The following TENM2 variants were observed in gnomAD, a reference collection of about 807,000 sequenced individuals.
The protein encoded by TENM2 is teneurin-2.
TENM2 carries 52 observed loss-of-function variants against 245.2 expected under a neutral mutation model. The observed-to-expected ratio is 0.21, with a 90% CI of 0.17 to 0.27. The LOEUF (loss-of-function observed/expected upper bound fraction) is 0.27, where lower values mean the gene tolerates loss of function less well. Ranked by LOEUF, TENM2 falls within the 10% of genes least tolerant of loss-of-function variation. TENM2 has a pLI of 1.00. For synonymous variants in TENM2, 1,363 were observed against 1,438.9 expected (o/e 0.95, Z 1.19); for missense variants, 3,046 against 3,666.8 (o/e 0.83, Z 4.37).
intron 3 of TENM2, among the ~76,000 whole-genome samples, chr5:167,946,269 C>T (rs141494076): frequency 3.9e-5 from 6 of 152,210 alleles, no homozygotes; most frequent in East Asian, 1.9e-4. Context: ...CAGAGCAGGA[C>T]AGGACAAGCT....
chr5:168,192,158 C>A (rs759458664), intron 14 of TENM2, among the ~76,000 whole-genome samples: 6 of 152,134 alleles, frequency 3.9e-5, no homozygotes, highest in Non-Finnish European at 7.3e-5. Context: ...GTTGATCAGA[C>A]AAATTGGGTC....
intron 2 of TENM2, among the ~76,000 whole-genome samples, chr5:167,539,368 G>T (rs191670875): frequency 6.6e-5 from 10 of 152,090 alleles, no homozygotes; most frequent in African/African-American, 2.4e-4. Context: ...GGTTTTTTCA[G>T]GATTGTCCTC....
intron 3 of TENM2, among the ~76,000 whole-genome samples, chr5:167,918,487 T>C (rs1481640363): frequency 6.6e-6 from 1 of 152,208 alleles, no homozygotes; most frequent in Non-Finnish European, 1.5e-5. Flanking sequence ...GCTATTATGT[T>C]AGACAGAGCC....
intron 2 of TENM2, among the ~76,000 whole-genome samples, chr5:167,671,604 A>G (rs531556775): frequency 6.6e-6 from 1 of 152,150 alleles, no homozygotes; most frequent in South Asian, 2.1e-4. Flanking sequence ...TTTTATAGTG[A>G]TCTATTATGT....
At chr5:167,014,476 T>C in the TENM2 span, among the ~76,000 whole-genome samples, 1 of 151,952 alleles carries the variant, frequency 6.6e-6, no homozygotes, top group Non-Finnish European at 1.5e-5. Flanking sequence ...AGTTCCCTGT[T>C]AACATAGGAA....
chr5:167,529,675 G>C (rs1409532379), intron 2 of TENM2, among the ~76,000 whole-genome samples: 1 of 152,202 alleles, frequency 6.6e-6, no homozygotes, highest in Non-Finnish European at 1.5e-5. Context: ...GATTGGTACA[G>C]AAATAAGTGA....
At chr5:168,100,321 G>A (rs752819166) in intron 9 of TENM2, among the ~76,000 whole-genome samples, 1 of 152,178 alleles carries the variant, frequency 6.6e-6, no homozygotes, top group Non-Finnish European at 1.5e-5. Flanking sequence ...GGAAGATAGT[G>A]TGGCGATTCC....
chr5:167,550,684 T>C (rs1772868689), intron 2 of TENM2, among the ~76,000 whole-genome samples: 1 of 139,866 alleles, frequency 7.1e-6, no homozygotes, highest in African/African-American at 2.7e-5. Context: ...AATTACCTTT[T>C]TTTTTGTTGT....
At chr5:167,775,261 C>T (rs1379137453) in intron 2 of TENM2, among the ~76,000 whole-genome samples, 6 of 152,188 alleles carry the variant, frequency 3.9e-5, no homozygotes, top group African/African-American at 1.2e-4. Context: ...AGCCACTGTG[C>T]CTGGCCAGGG....
chr5:168,070,252 C>T (rs748990147), intron 7 of TENM2, among the ~76,000 whole-genome samples: 1 of 152,260 alleles, frequency 6.6e-6, no homozygotes, highest in East Asian at 1.9e-4. Flanking sequence ...ACAACTAGAG[C>T]ATAGTTGCAA....
rs142117903 is a variant in TENM2, at chr5:167,696,534, G to A, written c.503-179452G>A. On this transcript the variant is annotated intron_variant, in intron 2 of 28. Coordinates refer to ENST00000518659, the Ensembl canonical transcript of TENM2. ...AGGATCAGGAGCTCACTTATTTATCGTTCTCTAAAATGGTGAGCCTCCCTT... is the reference window on the plus strand; with the variant it reads ...AGGATCAGGAGCTCACTTATTTATCATTCTCTAAAATGGTGAGCCTCCCTT... Among the ~76,000 whole-genome samples, 128 of 152,178 alleles carry A rather than the reference G, an allele frequency of 8.4e-4. 1 individual carries two copies. In the East Asian group the frequency reaches 0.023, roughly 27 times the overall value.
At chr5:167,117,011 C>G in the TENM2 span, among the ~76,000 whole-genome samples, 2 of 152,246 alleles carry the variant, frequency 1.3e-5, no homozygotes, top group African/African-American at 4.8e-5. Flanking sequence ...ATTTAACCCA[C>G]TAAATCCAGA....
intron 9 of TENM2, among the ~76,000 whole-genome samples, chr5:168,105,513 A>T (rs1794172160): frequency 6.6e-6 from 1 of 152,192 alleles, no homozygotes; most frequent in Non-Finnish European, 1.5e-5. Context: ...GGTCATGAGG[A>T]TGCCTGTAAG....
intron 2 of TENM2, among the ~76,000 whole-genome samples, chr5:167,659,771 G>C (rs753924349): frequency 6.6e-6 from 1 of 152,098 alleles, no homozygotes; most frequent in Non-Finnish European, 1.5e-5. Context: ...GTACCTTCTA[G>C]TTACTGACTG....
At chr5:167,380,398 A>G (rs1028394932) in intron 2 of TENM2, among the ~76,000 whole-genome samples, 8 of 152,154 alleles carry the variant, frequency 5.3e-5, no homozygotes, top group African/African-American at 1.9e-4. Context: ...TTAGAGGTTT[A>G]CGTTTTTGGC....
chr5:168,230,689 G>T (rs1281116062), intron 25 of TENM2, among the ~76,000 whole-genome samples: 1 of 152,042 alleles, frequency 6.6e-6, no homozygotes, highest in African/African-American at 2.4e-5. Flanking sequence ...GTCACATGAG[G>T]GCATGAAAGT....
intron 1 of TENM2, 30 bp downstream of exon 3, chr5:167,285,093 C>A: frequency 6.7e-7 from 1 of 1,494,616 alleles, no homozygotes; most frequent in Non-Finnish European, 9.1e-7. Context: ...CTGATTTGCT[C>A]TCAACTGTCT....
At chr5:167,095,102 A>G in the TENM2 span, among the ~76,000 whole-genome samples, 2 of 152,140 alleles carry the variant, frequency 1.3e-5, no homozygotes, top group Non-Finnish European at 2.9e-5. Context: ...CTTGAGCTGG[A>G]CCCTGTGGAA....
At chr5:167,483,272 T>C (rs781775536) in intron 2 of TENM2, among the ~76,000 whole-genome samples, 2 of 152,192 alleles carry the variant, frequency 1.3e-5, no homozygotes, top group Non-Finnish European at 2.9e-5. Flanking sequence ...AAAGGATGCT[T>C]CCTTGCCCCT....
Sources: gnomAD v4.1 joint callset for allele counts (sites outside exome capture counted in the v4.1 genomes callset) on GRCh38, gnomAD v4.1.1 for gene constraint, MANE v1.5 for transcripts, NCBI Gene and HGNC (gene_info 2026-07-23, HGNC 2026-07-21) for gene names.